CPEB3: variants seen among roughly 807,000 people sequenced by gnomAD.
The protein encoded by CPEB3 is cytoplasmic polyadenylation element-binding protein 3.
CPEB3 carries 20 observed loss-of-function variants against 67.2 expected under a neutral mutation model. The ratio of observed to expected loss-of-function variants is 0.30; its 90% CI spans 0.21 to 0.43. The LOEUF is 0.43. CPEB3 is among the 20% of genes least tolerant of loss of function. The probability of loss-of-function intolerance (pLI) is 1.00; values close to 1 mark genes in which losing one functional copy is unlikely to be tolerated. For missense variants in CPEB3, 746 were observed against 968.6 expected (o/e 0.77, Z 3.05); for synonymous variants, 376 against 393.1 (o/e 0.96, Z 0.51).
intron 1 of CPEB3, among the ~76,000 whole-genome samples, chr10:92,289,732 A>AAAAAAAAAAAAATAT: frequency 1.7e-4 from 13 of 75,768 alleles, no homozygotes; most frequent in African/African-American, 4.6e-4. Flanking sequence ...AAAAAAAAAA[A>AAAAAAAAAAAAATAT]ATATATATAT....
chr10:92,215,426 A>G (rs1850311634), intron 2 of CPEB3, among the ~76,000 whole-genome samples: 1 of 150,214 alleles, frequency 6.7e-6, no homozygotes, highest in Non-Finnish European at 1.5e-5. Context: ...TGCTGGGATT[A>G]CAGGCATGAG....
At chr10:92,251,128 T>C (rs1212465161) in intron 1 of CPEB3, among the ~76,000 whole-genome samples, 2 of 152,194 alleles carry the variant, frequency 1.3e-5, no homozygotes, top group Non-Finnish European at 2.9e-5. Context: ...TAACATGCTG[T>C]ACACGTTTGT....
In CPEB3 at chr10:92,049,661, T is replaced by C. The variant is rs959114063; in HGVS notation, c.*2551A>G. On this transcript the variant is annotated 3_prime_UTR_variant, in exon 10 of 10. Transcript: ENST00000265997. The stretch of plus-strand genomic sequence containing the variant: ...AACTTTCAGCACCAAATGGAGTTTA[T>C]TTTTTGTAACCTATTCTTCAGGACA... 2.0e-5 allele frequency: 3 copies of C among 152,658 alleles called. No homozygotes were observed. The highest frequency in any genetic ancestry group is 4.8e-5 in the African/African-American group (2 of 41,464). The allele number at this position is 152,658 out of a possible 1,614,324, so 9.5% of individuals were successfully genotyped here. A position where few individuals can be genotyped will look rare whatever the true frequency, so the allele number is the denominator to read the frequency against.
Position 92,258,641 on chromosome 10 carries a change from T to C in CPEB3, c.-11-18280A>G, listed in dbSNP as rs1197841090. On this transcript the variant is annotated intron_variant, in intron 1 of 9. Coordinates refer to ENST00000265997, the MANE Select transcript of CPEB3 (RefSeq NM_014912.5). ...TATTTTTTGAATATATATATATATA[T>C]ATATATATATATATATATATATATA... 1.8e-3 allele frequency among the ~76,000 whole-genome samples: 53 copies of C among 29,286 alleles called. 1 individual carries two copies. The highest frequency in any genetic ancestry group is 3.5e-3 in the African/African-American group (51 of 14,448). The allele number at this position is 29,286 out of a possible 152,430, so 19.2% of individuals were successfully genotyped here.
chr10:92,137,895 G>C (rs1846187685), intron 6 of CPEB3: 1 of 163,180 alleles, frequency 6.1e-6, no homozygotes, highest in Admixed American at 6.4e-5. Context: ...CAGCTACTGG[G>C]AGGCTGAGGC....
chr10:92,179,340 T>C (rs1848365575), intron 4 of CPEB3, among the ~76,000 whole-genome samples: 1 of 152,220 alleles, frequency 6.6e-6, no homozygotes, highest in Non-Finnish European at 1.5e-5. Flanking sequence ...GCTCCATTTT[T>C]TTCCCACAAA....
At chr10:92,274,397 C>A (rs1841882575) in intron 1 of CPEB3, among the ~76,000 whole-genome samples, 1 of 152,180 alleles carries the variant, frequency 6.6e-6, no homozygotes, top group Non-Finnish European at 1.5e-5. Flanking sequence ...ATCTTGCCCA[C>A]TTTAAGTTAT....
intron 4 of CPEB3, among the ~76,000 whole-genome samples, chr10:92,168,850 C>T (rs1847873154): frequency 7.3e-6 from 1 of 137,318 alleles, no homozygotes; most frequent in Non-Finnish European, 1.5e-5. Context: ...GGCTGGAGTG[C>T]AATGGTGCGA....
intron 1 of CPEB3, among the ~76,000 whole-genome samples, chr10:92,275,838 T>C (rs1841952216): frequency 7.0e-6 from 1 of 142,450 alleles, no homozygotes; most frequent in Admixed American, 7.2e-5. Context: ...CAGTACTTCA[T>C]TCTTTTCTTT....
At chr10:92,201,453 G>A (rs950888300) in intron 2 of CPEB3, among the ~76,000 whole-genome samples, 2 of 152,160 alleles carry the variant, frequency 1.3e-5, no homozygotes, top group African/African-American at 2.4e-5. Context: ...ACTGGAACCC[G>A]GGAGGCAGAC....
At chr10:92,223,355 G>A (rs1410648341) in intron 2 of CPEB3, among the ~76,000 whole-genome samples, 2 of 152,038 alleles carry the variant, frequency 1.3e-5, no homozygotes, top group African/African-American at 4.8e-5. Context: ...CCAACACATG[G>A]CTTTCCTTTC....
intron 4 of CPEB3, among the ~76,000 whole-genome samples, chr10:92,176,376 G>A (rs944243238): frequency 2.6e-5 from 4 of 152,156 alleles, no homozygotes; most frequent in East Asian, 1.9e-4. Flanking sequence ...TGAAGAAATC[G>A]AGGCAAAGAG....
intron 3 of CPEB3, among the ~76,000 whole-genome samples, chr10:92,188,626 A>G (rs1848814029): frequency 6.6e-6 from 1 of 152,104 alleles, no homozygotes; most frequent in African/African-American, 2.4e-5. Context: ...AGGCTGAGGC[A>G]GGAGAATTGC....
rs1223882755 is a variant in CPEB3, at chr10:92,052,058, A to AAAC, written c.*153_*154insGTT. ...ACACTGAGTTCAGTAATATGACTGT[A>AAAC]AATAATAATAATAATAATAAAAAGA... is the stretch of plus-strand genomic sequence containing the variant. On this transcript the variant is annotated 3_prime_UTR_variant, in exon 10 of 10. Coordinates refer to ENST00000265997, the MANE Select transcript of CPEB3 (RefSeq NM_014912.5). The AAAC allele has an allele frequency of 1.2e-5, 7 of 591,634 alleles. No individual in the cohort carries two copies. Among genetic ancestry groups the AAAC allele is most frequent in the Middle Eastern group, 4.5e-4 (1 of 2,224 alleles). The allele number at this position is 591,634 out of a possible 1,614,324, so 36.6% of individuals were successfully genotyped here.
At chr10:92,168,688 G>C (rs550914483) in intron 4 of CPEB3, among the ~76,000 whole-genome samples, 1 of 151,336 alleles carries the variant, frequency 6.6e-6, no homozygotes, top group Non-Finnish European at 1.5e-5. Flanking sequence ...CTCTCCTGCT[G>C]TCATGTGAAG....
chr10:92,280,171 G>A (rs1842199415), intron 1 of CPEB3, among the ~76,000 whole-genome samples: 2 of 151,366 alleles, frequency 1.3e-5, no homozygotes, highest in East Asian at 1.9e-4. Context: ...GATGAAACCC[G>A]GTCTCTATTA....
At chr10:92,174,290 C>T (rs1848131268) in intron 4 of CPEB3, among the ~76,000 whole-genome samples, 2 of 152,344 alleles carry the variant, frequency 1.3e-5, no homozygotes, top group African/African-American at 4.8e-5. Flanking sequence ...GGGGTCTCTG[C>T]CCAACACAAA....
intron 2 of CPEB3, among the ~76,000 whole-genome samples, chr10:92,234,914 G>A (rs558708629): frequency 1.3e-5 from 2 of 152,174 alleles, no homozygotes; most frequent in African/African-American, 4.8e-5. Flanking sequence ...GACAGAGCAC[G>A]ACTCCATCCC....
At chr10:92,133,399 A>T (rs1027282737) in intron 6 of CPEB3, among the ~76,000 whole-genome samples, 2 of 152,244 alleles carry the variant, frequency 1.3e-5, no homozygotes, top group Non-Finnish European at 2.9e-5. Flanking sequence ...ACCTCTACAC[A>T]AATAAACTAG....
Sources: allele counts gnomAD v4.1 joint callset (sites outside exome capture counted in the v4.1 genomes callset), GRCh38; gene constraint gnomAD v4.1.1; transcripts MANE v1.5; gene names NCBI Gene and HGNC (gene_info 2026-07-23, HGNC 2026-07-21).